CYB5R4: variants seen among roughly 807,000 people sequenced by gnomAD.
The protein encoded by CYB5R4 is cytochrome b5 reductase 4.
In CYB5R4, 55 loss-of-function variants were observed where a neutral mutation model predicts 70.2. The observed-to-expected ratio is 0.78, with a 90% CI of 0.63 to 0.98. The LOEUF (loss-of-function observed/expected upper bound fraction) is 0.98, where lower values mean the gene tolerates loss of function less well. Ranked by LOEUF, CYB5R4 falls within the 50% of genes least tolerant of loss-of-function variation. The probability of loss-of-function intolerance (pLI) is 0.00; values close to 1 mark genes in which losing one functional copy is unlikely to be tolerated. For missense variants in CYB5R4, 562 were observed against 612.6 expected (o/e 0.92, Z 0.87); for synonymous variants, 197 against 199.5 (o/e 0.99, Z 0.11).
At chr6:83,920,398 C>T (rs1445144791) in intron 7 of CYB5R4, among the ~76,000 whole-genome samples, 5 of 152,018 alleles carry the variant, frequency 3.3e-5, no homozygotes, top group Non-Finnish European at 5.9e-5. Context: ...TTTTCCACTC[C>T]CTCTTGATAT....
In CYB5R4 at chr6:83,962,662, T is replaced by G. The variant is rs2099473514; in HGVS notation, c.*2784T>G. ...AAGCCTCACAAGGCTGTAATCAGATTGTCAGCTGAGCTGGGCTCTTAGCTA... is the reference window on the plus strand; with the variant it reads ...AAGCCTCACAAGGCTGTAATCAGATGGTCAGCTGAGCTGGGCTCTTAGCTA... On this transcript the variant is annotated 3_prime_UTR_variant, in exon 16 of 16. Coordinates refer to ENST00000369681, the MANE Select transcript of CYB5R4 (RefSeq NM_016230.4). 6.6e-6 allele frequency: 1 copy of G among 152,308 alleles called. No individual in the cohort carries two copies. Among genetic ancestry groups the G allele is most frequent in the East Asian group, 1.9e-4 (1 of 5,178 alleles). 9.4% of individuals were successfully genotyped at this position (152,308 alleles called of 1,614,324 possible). A position where few individuals can be genotyped will look rare whatever the true frequency, so the allele number is the denominator to read the frequency against.
At chr6:83,903,840 T>C (rs1470888579) in intron 3 of CYB5R4, among the ~76,000 whole-genome samples, 1 of 152,150 alleles carries the variant, frequency 6.6e-6, no homozygotes, top group African/African-American at 2.4e-5. Context: ...ATATAGTTGC[T>C]CATAACAGTC....
chr6:83,927,333 C>G (rs1269372373), intron 10 of CYB5R4, among the ~76,000 whole-genome samples: 5 of 152,176 alleles, frequency 3.3e-5, no homozygotes, highest in Admixed American at 2.0e-4. Context: ...GTCTATCCTA[C>G]AATTTAACTC....
At chr6:83,883,783 A>G (rs867951795) in intron 2 of CYB5R4, among the ~76,000 whole-genome samples, 5 of 152,198 alleles carry the variant, frequency 3.3e-5, no homozygotes, top group African/African-American at 9.6e-5. Flanking sequence ...TATAAAAAAT[A>G]CATGACTTTA....
chr6:83,924,584 A>G lies in CYB5R4; in HGVS notation c.806A>G (p.Lys269Arg), dbSNP rs1475457913. 1 of 1,613,248 alleles carries G rather than the reference A, an allele frequency of 6.2e-7. No homozygotes were observed. ...AATCATAATTCACTTATTCCAAGGAAAGATACAGGTATGCTGTGTTCTTTT... is the reference window on the plus strand; with the variant it reads ...AATCATAATTCACTTATTCCAAGGAGAGATACAGGTATGCTGTGTTCTTTT... ...LKNHNSLIPR[K>R]DTGLYYRKCQ... Residue 269 changes from lysine (K) to arginine (R), a missense_variant, in exon 10 of 16, where the codon AAA (lysine) becomes AGA (arginine). By Grantham distance (26) the Lys-to-Arg change is conservative (BLOSUM62 2). Coordinates refer to ENST00000369681, the MANE Select transcript of CYB5R4 (RefSeq NM_016230.4).
Position 83,966,530 on chromosome 6 carries a change from A to G in CYB5R4, c.*6652A>G, listed in dbSNP as rs1435995431. ...AACATGGAGAAACCCTCTCTCTACT[A>G]AAAATACAAAATTAGCCAGGTGTGG... On this transcript the variant is annotated 3_prime_UTR_variant, in exon 16 of 16. Transcript: ENST00000369681. 6.6e-6 allele frequency: 1 copy of G among 152,172 alleles called. No individual in the cohort carries two copies. The highest frequency in any genetic ancestry group is 1.5e-5 in the Non-Finnish European group (1 of 68,040). 9.4% of individuals were successfully genotyped at this position (152,172 alleles called of 1,614,324 possible). A position where few individuals can be genotyped will look rare whatever the true frequency, so the allele number is the denominator to read the frequency against.
chr6:83,939,235 G>A (rs1485393471), intron 12 of CYB5R4, among the ~76,000 whole-genome samples: 2 of 152,144 alleles, frequency 1.3e-5, no homozygotes, highest in African/African-American at 4.8e-5. Flanking sequence ...TTAAAATAGA[G>A]TATTTTAAAT....
intron 3 of CYB5R4, among the ~76,000 whole-genome samples, chr6:83,898,155 G>A (rs1429631685): frequency 6.6e-6 from 1 of 152,164 alleles, no homozygotes; most frequent in Non-Finnish European, 1.5e-5. Flanking sequence ...ATGTAAGGAA[G>A]GGGTCCAGTT....
intron 4 of CYB5R4, chr6:83,910,165 C>T: frequency 6.3e-7 from 1 of 1,579,250 alleles, no homozygotes; most frequent in Non-Finnish European, 8.6e-7. Flanking sequence ...ACTGTCACAG[C>T]ACTGTGAGCA....
At chr6:83,958,904 A>T (rs1324667535) in intron 15 of CYB5R4, among the ~76,000 whole-genome samples, 1 of 151,894 alleles carries the variant, frequency 6.6e-6, no homozygotes, top group Non-Finnish European at 1.5e-5. Context: ...AGTAAGTGGT[A>T]AAAAAGTAGT....
chr6:83,927,824 G>T (rs1183794709), intron 10 of CYB5R4, among the ~76,000 whole-genome samples: 2 of 152,112 alleles, frequency 1.3e-5, no homozygotes, highest in Non-Finnish European at 2.9e-5. Context: ...TGTCCTCAGA[G>T]GTCTAGGAAG....
intron 14 of CYB5R4, among the ~76,000 whole-genome samples, chr6:83,953,788 A>C (rs898227415): frequency 6.6e-6 from 1 of 152,272 alleles, no homozygotes; most frequent in South Asian, 2.1e-4. Context: ...GGAGGAGGGA[A>C]TAAGTCGTTG....
chr6:83,950,805 C>G (rs561505620), intron 14 of CYB5R4, among the ~76,000 whole-genome samples: 6 of 152,194 alleles, frequency 3.9e-5, no homozygotes, highest in Non-Finnish European at 8.8e-5. Context: ...TGGTCTGTAT[C>G]TTTCTATTCA....
At chr6:83,930,534 G>C (rs1273321804) in intron 10 of CYB5R4, among the ~76,000 whole-genome samples, 6 of 152,108 alleles carry the variant, frequency 3.9e-5, no homozygotes, top group African/African-American at 1.4e-4. Context: ...TGAGATTGCA[G>C]CAATTCAGTC....
chr6:83,947,476 AG>A (rs2099470798), intron 14 of CYB5R4, among the ~76,000 whole-genome samples: 1 of 152,248 alleles, frequency 6.6e-6, no homozygotes, highest in South Asian at 2.1e-4. Context: ...AGTACCATTC[AG>A]GACACAGGCA....
chr6:83,942,520 G>A (rs931344911), intron 14 of CYB5R4, among the ~76,000 whole-genome samples: 1 of 152,216 alleles, frequency 6.6e-6, no homozygotes, highest in Non-Finnish European at 1.5e-5. Flanking sequence ...TGGGTTTCAA[G>A]CACAAACTTG....
At chr6:83,861,525 T>C (rs1214543034) in intron 1 of CYB5R4, among the ~76,000 whole-genome samples, 1 of 152,264 alleles carries the variant, frequency 6.6e-6, no homozygotes, top group African/African-American at 2.4e-5. Flanking sequence ...CTTTGGAGTT[T>C]GCATGCTCTG....
At chr6:83,872,645 G>C (rs1302083295) in intron 2 of CYB5R4, among the ~76,000 whole-genome samples, 1 of 152,194 alleles carries the variant, frequency 6.6e-6, no homozygotes, top group Non-Finnish European at 1.5e-5. Context: ...ATAGCCTGAA[G>C]ATGATCACAG....
intron 3 of CYB5R4, among the ~76,000 whole-genome samples, chr6:83,904,688 G>C (rs1379051320): frequency 6.6e-6 from 1 of 151,984 alleles, no homozygotes; most frequent in African/African-American, 2.4e-5. Flanking sequence ...ATAATACTTT[G>C]CTTTTGAATG....
Sources: gnomAD v4.1 joint callset for allele counts (sites outside exome capture counted in the v4.1 genomes callset) on GRCh38, gnomAD v4.1.1 for gene constraint, MANE v1.5 for transcripts, NCBI Gene and HGNC (gene_info 2026-07-23, HGNC 2026-07-21) for gene names.